The following DEUP1 variants were observed in gnomAD, a reference collection of about 807,000 sequenced individuals.
DEUP1 encodes coiled-coil domain containing 67.
In DEUP1, 82 loss-of-function variants were observed where a neutral mutation model predicts 87.4. That is an observed-to-expected ratio of 0.94 (90% CI 0.78 to 1.13). The LOEUF is 1.13. Among genes scored for constraint, DEUP1 ranks in the 50% most tolerant of loss-of-function variants. The pLI, the probability that DEUP1 is intolerant of heterozygous loss-of-function variation, is 0.00. For synonymous variants in DEUP1, 214 were observed against 222.7 expected (o/e 0.96, Z 0.35); for missense variants, 663 against 681.5 (o/e 0.97, Z 0.30).
chr11:93,394,419 A>G, intron 9 of DEUP1, 40 bp from the exon 10 acceptor site: 1 of 1,435,868 alleles, frequency 7.0e-7, no homozygotes, highest in Non-Finnish European at 9.3e-7. Flanking sequence ...CTCTATAAAT[A>G]AAAGGATTCA....
rs1053122309 is a variant in DEUP1, at chr11:93,390,357, A to C, written c.1041+1232A>C. 3.9e-5 allele frequency among the ~76,000 whole-genome samples: 6 copies of C among 152,322 alleles called. No homozygotes were observed. In the South Asian group the frequency reaches 1.2e-3, roughly 32 times the overall value. The stretch of plus-strand genomic sequence containing the variant: ...TATTCTGCTAATTTCTATAGGAAAC[A>C]CAATAATATGAAAGACAGGTACTGT... On this transcript the variant is annotated intron_variant, in intron 9 of 13. Coordinates refer to ENST00000298050, the MANE Select transcript of DEUP1 (RefSeq NM_181645.4).
At chr11:93,365,970 C>T (rs951318399) in intron 5 of DEUP1, among the ~76,000 whole-genome samples, 2 of 152,190 alleles carry the variant, frequency 1.3e-5, no homozygotes, top group African/African-American at 4.8e-5. Context: ...ACAGGCCTTG[C>T]CTGACTCATG....
chr11:93,415,464 G>T (rs1947585993), intron 13 of DEUP1, among the ~76,000 whole-genome samples: 1 of 151,964 alleles, frequency 6.6e-6, no homozygotes, highest in Admixed American at 6.6e-5. Context: ...TGATCTTTTG[G>T]ACTGGTTTAA....
At chr11:93,362,701 T>C (rs1456240) in intron 4 of DEUP1, among the ~76,000 whole-genome samples, 17,577 of 151,840 alleles carry the variant, frequency 0.12, 1,563 homozygotes, top group East Asian at 0.35. Flanking sequence ...CCTAGGTATA[T>C]ACCCAAGAGA....
rs192529972 is a variant in DEUP1 at position 93,410,112 on chromosome 11, G to A, written c.1523+1685G>A. ...ATTCTTATGGGTATAGTACAGCCCC[G>A]TCCTACTTTCAGCACCTCAGCCATG... On this transcript the variant is annotated intron_variant, in intron 12 of 13. Coordinates refer to ENST00000298050, the MANE Select transcript of DEUP1 (RefSeq NM_181645.4). 5.3e-3 allele frequency among the ~76,000 whole-genome samples: 800 copies of A among 152,172 alleles called. 9 individuals carry two copies. Among genetic ancestry groups the A allele is most frequent in the Non-Finnish European group, 6.8e-3 (464 of 67,982 alleles).
At chr11:93,339,408 A>AAAATGC (rs1224234876) in intron 2 of DEUP1, among the ~76,000 whole-genome samples, 1 of 152,232 alleles carries the variant, frequency 6.6e-6, no homozygotes, top group Admixed American at 6.5e-5. Context: ...GAGAAAGGGG[A>AAAATGC]AAATGCAAAT....
At chr11:93,411,490 A>C (rs1947435420) in intron 12 of DEUP1, among the ~76,000 whole-genome samples, 1 of 151,974 alleles carries the variant, frequency 6.6e-6, no homozygotes. Flanking sequence ...TTTAATGCTC[A>C]CTCACTTAAA....
intron 9 of DEUP1, among the ~76,000 whole-genome samples, chr11:93,393,087 C>T (rs373664413): frequency 2.1e-4 from 20 of 94,550 alleles, no homozygotes; most frequent in African/African-American, 4.1e-4. Context: ...CTTCCTCCTT[C>T]TTTTTTTTTT....
Position 93,355,406 on chromosome 11 carries a change from T to C in DEUP1, c.65T>C (p.Met22Thr), listed in dbSNP as rs1477219751. 3.1e-6 allele frequency: 5 copies of C among 1,613,662 alleles called. No homozygotes were observed. The highest frequency in any genetic ancestry group is 4.2e-6 in the Non-Finnish European group (5 of 1,179,746). Residue 22 changes from methionine (M) to threonine (T), a missense_variant, in exon 3 of 14, where the codon ATG (methionine) becomes ACG (threonine). Coordinates refer to ENST00000298050, the MANE Select transcript of DEUP1 (RefSeq NM_181645.4). ...SPCEAELQEL[M>T]EQIDIMVSNK... ...TGTGAGGCTGAGCTTCAGGAATTAA[T>C]GGAACAAATTGACATCATGGTAAGC...
intron 7 of DEUP1, among the ~76,000 whole-genome samples, chr11:93,373,625 G>GTGTGTATATATATATATATATA (rs796309948): frequency 1.5e-5 from 1 of 66,998 alleles, no homozygotes; most frequent in African/African-American, 4.1e-5. Flanking sequence ...ATATATATAC[G>GTGTGTATATATATATATATATA]TATATATATA....
At chr11:93,360,764 G>T (rs1945133628) in intron 4 of DEUP1, among the ~76,000 whole-genome samples, 1 of 151,848 alleles carries the variant, frequency 6.6e-6, no homozygotes, top group Non-Finnish European at 1.5e-5. Context: ...AAGAGTAAAA[G>T]AAAATGAACC....
intron 9 of DEUP1, among the ~76,000 whole-genome samples, chr11:93,393,068 T>A (rs1373957035): frequency 7.3e-6 from 1 of 136,972 alleles, no homozygotes; most frequent in East Asian, 2.1e-4. Flanking sequence ...TCCTCCTCCT[T>A]CTTCTTCTCT....
Position 93,415,034 on chromosome 11 carries a change from A to G in DEUP1, c.1558A>G (p.Met520Val), listed in dbSNP as rs764190312. 3.1e-6 allele frequency: 5 copies of G among 1,600,112 alleles called. No individual in the cohort carries two copies. Residue 520 changes from methionine (M) to valine (V), a missense_variant, in exon 13 of 14, where the codon ATG (methionine) becomes GTG (valine). Met to Val is a conservative substitution (Grantham distance 21). Transcript: ENST00000298050. Reference protein sequence around the residue: ...SHDCEPNRSTMPPLPPSTFQA... With the variant: ...SHDCEPNRSTVPPLPPSTFQA... ...TGACTGTGAGCCAAACAGAAGTACA[A>G]TGCCTCCCTTGCCACCTTCGACATT...
chr11:93,358,445 A>T (rs1945000883), intron 4 of DEUP1, among the ~76,000 whole-genome samples: 1 of 152,204 alleles, frequency 6.6e-6, no homozygotes, highest in African/African-American at 2.4e-5. Flanking sequence ...GGCCAAGTTA[A>T]GACTCCTCCC....
chr11:93,417,868 A>T (rs1406522019), intron 13 of DEUP1, among the ~76,000 whole-genome samples: 1 of 152,190 alleles, frequency 6.6e-6, no homozygotes, highest in Non-Finnish European at 1.5e-5. Flanking sequence ...GCCCTCAGAA[A>T]TAATACCGCA....
chr11:93,405,052 C>T (rs950355860), intron 11 of DEUP1, among the ~76,000 whole-genome samples: 4 of 141,672 alleles, frequency 2.8e-5, no homozygotes, highest in Admixed American at 1.4e-4. Flanking sequence ...TACTTTAAAC[C>T]AACATTGGAT....
At chr11:93,336,785 G>A (rs554689317) in intron 2 of DEUP1, among the ~76,000 whole-genome samples, 1 of 152,222 alleles carries the variant, frequency 6.6e-6, no homozygotes, top group Non-Finnish European at 1.5e-5. Context: ...CTGTTTTCAG[G>A]CTGACACTCA....
rs780212540 is a variant in DEUP1 at position 93,359,827 on chromosome 11, A to G, written c.297+2784A>G. On this transcript the variant is annotated intron_variant, in intron 4 of 13. Coordinates refer to ENST00000298050, the MANE Select transcript of DEUP1 (RefSeq NM_181645.4). The stretch of plus-strand genomic sequence containing the variant: ...ACAAAGGCTTAGTGGAAAAACCTAG[A>G]TTTCTGCCTTCACTAAGCTGTAACA... Among the ~76,000 whole-genome samples the G allele has an allele frequency of 5.3e-5, 8 of 152,296 alleles. No homozygotes were observed. In the South Asian group the frequency reaches 6.2e-4, roughly 12 times the overall value.
chr11:93,415,197 T>A, intron 13 of DEUP1, 83 bp downstream of exon 13: 2 of 825,754 alleles, frequency 2.4e-6, no homozygotes, highest in Non-Finnish European at 4.0e-6. Flanking sequence ...CTGACGTACA[T>A]AGTAGTTCGT....
Sources: gnomAD v4.1 joint callset for allele counts (sites outside exome capture counted in the v4.1 genomes callset) on GRCh38, gnomAD v4.1.1 for gene constraint, MANE v1.5 for transcripts, NCBI Gene and HGNC (gene_info 2026-07-23, HGNC 2026-07-21) for gene names.